The following NLRP13 variants were observed in gnomAD, a reference collection of about 807,000 sequenced individuals.
The protein encoded by NLRP13 is NACHT, LRR and PYD domains-containing protein 13.
Under a neutral mutation model 94.4 loss-of-function variants are expected in NLRP13, and 82 were observed. The ratio of observed to expected loss-of-function variants is 0.87; its 90% CI spans 0.73 to 1.04. The LOEUF is 1.04. NLRP13 is among the 50% of genes least tolerant of loss of function. NLRP13 has a pLI of 0.00. For synonymous variants in NLRP13, 553 were observed against 464.7 expected, an observed-to-expected ratio of 1.19 and a Z score of -2.45; for missense variants, 1,426 against 1,230.8, an observed-to-expected ratio of 1.16 and a Z score of -2.37.
Position 55,912,296 on chromosome 19 carries a change from G to T in NLRP13, c.1521C>A (p.Gly507=), listed in dbSNP as rs745840702. Residue 507 remains glycine (G), a synonymous_variant, in exon 5 of 11, where the codon GGC becomes GGA. Coordinates refer to ENST00000342929, the MANE Select transcript of NLRP13 (RefSeq NM_176810.2). ...GAGAATCAATGAAAGGCACTTCCAG[G>T]CCCTCGATCTCAGTGTCTTCTTTGT... ...TFNKEDTEIE[G]LEVPFIDSLY... is the part of the protein sequence containing the mutation. 1.2e-6 allele frequency: 2 copies of T among 1,614,034 alleles called. No homozygotes were observed. Among genetic ancestry groups the T allele is most frequent in the Non-Finnish European group, 1.7e-6 (2 of 1,180,002 alleles).
chr19:55,896,220 G>T (rs1351007319), intron 10 of NLRP13, 101 bp from the exon 11 acceptor site: 4 of 1,331,328 alleles, frequency 3.0e-6, no homozygotes, highest in Non-Finnish European at 4.1e-6. Context: ...TACTAAAGCA[G>T]ACTGCTTAAG....
At chr19:55,913,444 G>A in intron 4 of NLRP13, 151 bp from the exon 5 acceptor site, 1 of 857,442 alleles carries the variant, frequency 1.2e-6, no homozygotes, top group South Asian at 1.9e-5. Context: ...AGTTGCAAAA[G>A]GAGGCTGAGG....
intron 1 of NLRP13, among the ~76,000 whole-genome samples, chr19:55,929,456 T>C: frequency 6.6e-6 from 1 of 152,156 alleles, no homozygotes; most frequent in Non-Finnish European, 1.5e-5. Context: ...TAAAAAAGGA[T>C]GAGTTCATGT....
At chr19:55,897,536 T>C (rs1427723359) in intron 10 of NLRP13, among the ~76,000 whole-genome samples, 1 of 152,146 alleles carries the variant, frequency 6.6e-6, no homozygotes, top group Non-Finnish European at 1.5e-5. Context: ...GCCCTTCTTT[T>C]AGAAAGAAAA....
At chr19:55,893,380 CT>C (rs1225304468), downstream of NLRP13, among the ~76,000 whole-genome samples, 5 of 151,954 alleles carry the variant, frequency 3.3e-5, no homozygotes, top group African/African-American at 1.2e-4. Flanking sequence ...AAGAGTGAAA[CT>C]CCATCTCAAA....
intron 9 of NLRP13, among the ~76,000 whole-genome samples, chr19:55,899,326 C>T (rs1305728554): frequency 6.6e-6 from 1 of 152,080 alleles, no homozygotes; most frequent in Non-Finnish European, 1.5e-5. Context: ...GTCTGAATTT[C>T]CCAGAATAAA....
rs1986394940 is a variant in NLRP13 at position 55,907,758 on chromosome 19, C to A, written c.2447+34G>T. 5 of 1,609,102 alleles carry A rather than the reference C, an allele frequency of 3.1e-6. No individual in the cohort carries two copies. In the East Asian group the frequency reaches 6.7e-5, roughly 22 times the overall value. On this transcript the variant is annotated intron_variant, in intron 7 of 10. Coordinates refer to ENST00000342929, the MANE Select transcript of NLRP13 (RefSeq NM_176810.2). ...TGGAAGCTACTGGTGGTCTTGCAAC[C>A]CCCCTTGACAGATCTAGGGAGCCAA...
chr19:55,918,253 CAAAA>C (rs34099048), intron 4 of NLRP13, among the ~76,000 whole-genome samples: 1 of 130,786 alleles, frequency 7.6e-6, no homozygotes, highest in Non-Finnish European at 1.6e-5. Flanking sequence ...TGTGATACAG[CAAAA>C]AAAAAAAAAA....
chr19:55,923,473 C>A (rs1244671873), intron 4 of NLRP13, among the ~76,000 whole-genome samples: 2 of 152,212 alleles, frequency 1.3e-5, no homozygotes, highest in East Asian at 1.9e-4. Context: ...AGAAACCTGG[C>A]CTTTCATCAC....
chr19:55,931,900 C>T (rs1658525271), intron 1 of NLRP13, 93 bp downstream of exon 1: 1 of 993,576 alleles, frequency 1.0e-6, no homozygotes, highest in African/African-American at 1.6e-5. Flanking sequence ...GGGAGATCGG[C>T]AGTGTGGAAT....
At chr19:55,894,143 C>A (rs1390859266), downstream of NLRP13, among the ~76,000 whole-genome samples, 3 of 148,250 alleles carry the variant, frequency 2.0e-5, no homozygotes, top group Non-Finnish European at 4.4e-5. Flanking sequence ...TGGGTTCAGG[C>A]AGTCTTCCCA....
In NLRP13 at chr19:55,904,790, T is replaced by G. The variant is rs60914971; in HGVS notation, c.2618+152A>C. On this transcript the variant is annotated intron_variant, in intron 8 of 10. Transcript: ENST00000342929. ...GATCAACAAATCCAGGATGCTACTC[T>G]GAATCTGTTTTAGAGCAATTCCTGG... 1,426 of 616,100 alleles carry G rather than the reference T, an allele frequency of 2.3e-3. 16 individuals carry two copies. The African/African-American group carries it at 0.024, about 11-fold the overall frequency. 38.2% of individuals were successfully genotyped at this position (616,100 alleles called of 1,614,324 possible). A position where few individuals can be genotyped will look rare whatever the true frequency, so the allele number is the denominator to read the frequency against.
Position 55,930,874 on chromosome 19 carries a change from T to TTATATA in NLRP13, c.319+1113_319+1118dup, listed in dbSNP as rs372288236. ...GGCTTACAGGAGATAGAATCAGTGA[T>TTATATA]TATATATATATATATATATATATAA... On this transcript the variant is annotated intron_variant, in intron 1 of 10. Coordinates refer to ENST00000342929, the MANE Select transcript of NLRP13 (RefSeq NM_176810.2). Among the ~76,000 whole-genome samples, 288 of 70,186 alleles carry TTATATA rather than the reference T, an allele frequency of 4.1e-3. 9 individuals carry two copies. Among genetic ancestry groups the TTATATA allele is most frequent in the Admixed American group, 0.014 (89 of 6,194 alleles). The allele number at this position is 70,186 out of a possible 152,430, so 46.0% of individuals were successfully genotyped here.
chr19:55,898,966 G>A, intron 9 of NLRP13, 29 bp from the exon 10 acceptor site: 1 of 1,599,860 alleles, frequency 6.3e-7, no homozygotes, highest in Non-Finnish European at 8.5e-7. Context: ...CAAAAGGGGG[G>A]AAAGTAATTG....
rs759986648 is a variant in NLRP13 at position 55,912,526 on chromosome 19, C to T, written c.1291G>A (p.Val431Ile). ...TTCGGCTGCTTCAGACAGGAACATA[C>T]GGTCCAACACACCATGGGGGCACTG... ...SCSAPMVCWT[V>I]CSCLKQPKVR... The change falls in exon 5 of 11, where the codon GTA becomes ATA. Residue 431 changes from valine to isoleucine, a missense_variant. By Grantham distance (29) the Val-to-Ile change is conservative (BLOSUM62 3). Transcript: ENST00000342929. 2.7e-5 allele frequency: 44 copies of T among 1,614,040 alleles called. 1 individual carries two copies. In the South Asian group the frequency reaches 3.0e-4, roughly 11 times the overall value.
chr19:55,923,953 C>A lies in NLRP13; in HGVS notation c.484G>T (p.Asp162Tyr), dbSNP rs142843445. 7 of 1,613,812 alleles carry A rather than the reference C, an allele frequency of 4.3e-6. No individual in the cohort carries two copies. In the South Asian group the frequency reaches 7.7e-5, roughly 18 times the overall value. ...ATCTCTGGTTCTTCTTGGTTTGGAT[C>A]TTGGCATCCCTGGGCCTGTACATTC... ...TGNVQAQGCQDPNQEEPEMLE... is the reference protein window; with the variant it reads ...TGNVQAQGCQYPNQEEPEMLE... Residue 162 changes from aspartate to tyrosine, a missense_variant, in exon 4 of 11, where the codon GAT becomes TAT. By Grantham distance (160) the Asp-to-Tyr change is radical. Transcript: ENST00000342929.
At position 55,911,681 on chromosome 19, in the gene NLRP13, G is replaced by A. The variant is rs1986514249; in HGVS notation, c.2111+25C>T. 3 of 1,544,778 alleles carry A rather than the reference G, an allele frequency of 1.9e-6. 1 individual carries two copies. Among genetic ancestry groups the A allele is most frequent in the Admixed American group, 4.2e-5 (2 of 47,928 alleles). On this transcript the variant is annotated intron_variant, in intron 5 of 10. Transcript: ENST00000342929. ...GCCTGAGAAAACAGGAGAAAGCTGA[G>A]AAAGAAATGGTTTGTAATACTCACT...
rs766502362 is a variant in NLRP13 at position 55,913,294 on chromosome 19, C to G, written c.524-1G>C. The G allele has an allele frequency of 6.2e-7, 1 of 1,611,564 alleles. No homozygotes were observed. The highest frequency in any genetic ancestry group is 2.2e-5 in the East Asian group (1 of 44,856). On this transcript the variant is annotated splice_acceptor_variant, in intron 4 of 10. Transcript: ENST00000342929. LOFTEE classifies it high-confidence loss of function. ...TTCTCTCTGTATTTTCTTCTGTGGT[C>G]TAGAGAGGGCGGAGTGGGGAGAAGA...
rs761762987 is a variant in NLRP13, at chr19:55,911,988, G to C, written c.1829C>G (p.Pro610Arg). The C allele has an allele frequency of 1.9e-6, 3 of 1,614,094 alleles. No individual in the cohort carries two copies. In the South Asian group the frequency reaches 3.3e-5, roughly 18 times the overall value. ...LEDTLHCKIS[P>R]RVMEELLKWG... ...CTTTAATAATTCCTCCATTACCCTG[G>C]GAGATATTTTACAATGCAAAGTATC... Residue 610 changes from proline (P) to arginine (R), a missense_variant, in exon 5 of 11, where the codon CCC becomes CGC. Physicochemically the swap from Pro to Arg is moderately radical, Grantham distance 103 (BLOSUM62 -2). Coordinates refer to ENST00000342929, the MANE Select transcript of NLRP13 (RefSeq NM_176810.2).
Sources: allele counts gnomAD v4.1 joint callset (sites outside exome capture counted in the v4.1 genomes callset), GRCh38; gene constraint gnomAD v4.1.1; transcripts MANE v1.5; gene names NCBI Gene and HGNC (gene_info 2026-07-23, HGNC 2026-07-21).